Variants in ATP9B observed in about 807,000 individuals in gnomAD.
ATP9B encodes the protein ATPase phospholipid transporting 9B, also known as probable phospholipid-transporting ATPase IIB.
A neutral mutation model predicts 146.1 loss-of-function variants in ATP9B; 110 were observed. The observed-to-expected ratio is 0.75, with a 90% CI of 0.65 to 0.88. The LOEUF is 0.88. ATP9B is among the 40% of genes least tolerant of loss of function. The pLI is 0.00. For synonymous variants in ATP9B, 604 were observed against 569.7 expected, an observed-to-expected ratio of 1.06 and a Z score of -0.86; for missense variants, 1,499 against 1,496.4, an observed-to-expected ratio of 1.00 and a Z score of -0.03.
chr18:79,349,481 G>A (rs1219424069), intron 25 of ATP9B, among the ~76,000 whole-genome samples: 4 of 152,150 alleles, frequency 2.6e-5, no homozygotes, highest in Non-Finnish European at 5.9e-5. Context: ...TCACCGTCAC[G>A]CAGCCACTGA....
At chr18:79,073,006 A>G (rs2072104684) in intron 1 of ATP9B, among the ~76,000 whole-genome samples, 1 of 151,414 alleles carries the variant, frequency 6.6e-6, no homozygotes, top group African/African-American at 2.4e-5. Context: ...ACGGCCAGGA[A>G]GAGGCGCTCC....
intron 13 of ATP9B, among the ~76,000 whole-genome samples, chr18:79,299,668 A>G (rs2096576888): frequency 6.6e-6 from 1 of 152,174 alleles, no homozygotes; most frequent in South Asian, 2.1e-4. Context: ...TATCCATGCA[A>G]CATATGAGAT....
At chr18:79,283,053 A>G (rs1458641909) in intron 13 of ATP9B, among the ~76,000 whole-genome samples, 1 of 152,222 alleles carries the variant, frequency 6.6e-6, no homozygotes, top group Non-Finnish European at 1.5e-5. Flanking sequence ...AAACCAGTGC[A>G]TGTATTTACT....
chr18:79,319,508 T>A (rs1313081304), intron 15 of ATP9B, among the ~76,000 whole-genome samples: 1 of 152,010 alleles, frequency 6.6e-6, no homozygotes, highest in Non-Finnish European at 1.5e-5. Flanking sequence ...GAGGGAACAC[T>A]GAACAGTTCC....
At chr18:79,245,583 C>A (rs1312774326) in intron 11 of ATP9B, among the ~76,000 whole-genome samples, 2 of 150,428 alleles carry the variant, frequency 1.3e-5, no homozygotes, top group Admixed American at 6.6e-5. Context: ...GTGCGGAGGG[C>A]ACCGCCCTAA....
intron 15 of ATP9B, among the ~76,000 whole-genome samples, chr18:79,308,275 C>T (rs1442724801): frequency 2.0e-5 from 3 of 152,070 alleles, no homozygotes; most frequent in African/African-American, 7.2e-5. Flanking sequence ...ACAGTCTAAG[C>T]GTTCCTGAAA....
chr18:79,195,073 CATT>C (rs1389182792), intron 9 of ATP9B, among the ~76,000 whole-genome samples: 1 of 152,098 alleles, frequency 6.6e-6, no homozygotes, highest in African/African-American at 2.4e-5. Context: ...CTTCCTGAAA[CATT>C]ATAATAACCA....
intron 7 of ATP9B, among the ~76,000 whole-genome samples, chr18:79,164,909 G>T (rs1310338960): frequency 6.6e-6 from 1 of 152,138 alleles, no homozygotes; most frequent in Non-Finnish European, 1.5e-5. Context: ...GGTTCAGAGG[G>T]GGAAATGAGG....
At chr18:79,151,000 T>C (rs371871246) in intron 6 of ATP9B, among the ~76,000 whole-genome samples, 2 of 152,190 alleles carry the variant, frequency 1.3e-5, no homozygotes. Flanking sequence ...AAGTATGTTA[T>C]TCAAAAGGCA....
intron 15 of ATP9B, among the ~76,000 whole-genome samples, chr18:79,325,687 G>T (rs2096740310): frequency 6.6e-6 from 1 of 152,096 alleles, no homozygotes; most frequent in Non-Finnish European, 1.5e-5. Context: ...CACCTGGGCA[G>T]CCCTGAAAAG....
At chr18:79,184,589 A>C (rs938817182) in intron 8 of ATP9B, among the ~76,000 whole-genome samples, 2 of 152,080 alleles carry the variant, frequency 1.3e-5, no homozygotes, top group African/African-American at 4.8e-5. Context: ...TATTAAGGTA[A>C]GTTTTATCAT....
chr18:79,184,808 C>G (rs562625103), intron 8 of ATP9B, among the ~76,000 whole-genome samples: 1 of 152,116 alleles, frequency 6.6e-6, no homozygotes, highest in African/African-American at 2.4e-5. Flanking sequence ...GGACAAAAGC[C>G]CCACCCTCTG....
intron 17 of ATP9B, among the ~76,000 whole-genome samples, chr18:79,332,378 A>C (rs372302868): frequency 6.6e-6 from 1 of 152,218 alleles, no homozygotes; most frequent in Non-Finnish European, 1.5e-5. Context: ...GCAGTGAGCC[A>C]AGATCGCGAC....
At chr18:79,096,426 TA>T (rs747364872) in intron 1 of ATP9B, 49 bp from the exon 2 acceptor site, 1 of 1,536,450 alleles carries the variant, frequency 6.5e-7, no homozygotes, top group Non-Finnish European at 8.9e-7. Context: ...AAACACACTG[TA>T]AAGAAGACTG....
chr18:79,220,562 C>G (rs1358838281), intron 11 of ATP9B, among the ~76,000 whole-genome samples: 1 of 152,064 alleles, frequency 6.6e-6, no homozygotes, highest in Non-Finnish European at 1.5e-5. Flanking sequence ...GATTGCACCA[C>G]TGCACTCCAG....
chr18:79,263,370 A>G (rs2096165286), intron 12 of ATP9B, among the ~76,000 whole-genome samples: 1 of 152,158 alleles, frequency 6.6e-6, no homozygotes, highest in Admixed American at 6.6e-5. Flanking sequence ...CCTCCCAGGA[A>G]TACTGTGTTT....
chr18:79,189,192 T>C (rs2095337992), intron 8 of ATP9B, among the ~76,000 whole-genome samples: 1 of 151,830 alleles, frequency 6.6e-6, no homozygotes. Context: ...AATAAAAATA[T>C]AAAAATCATC....
intron 13 of ATP9B, among the ~76,000 whole-genome samples, chr18:79,279,236 G>A (rs959659536): frequency 2.0e-5 from 3 of 152,146 alleles, no homozygotes; most frequent in African/African-American, 4.8e-5. Flanking sequence ...CTTTCCCAAC[G>A]TGGAGAGGCT....
Position 79,239,977 on chromosome 18 carries a change from C to T in ATP9B, c.1108-13404C>T, listed in dbSNP as rs748121481. Reference sequence around the variant, plus strand: ...CACCACGCCTCAGGGGCCCCACACCCGCGGTCTCTTCCTAGAGCTGCAGTC... The same window carrying T: ...CACCACGCCTCAGGGGCCCCACACCTGCGGTCTCTTCCTAGAGCTGCAGTC... On this transcript the variant is annotated intron_variant, in intron 11 of 29. Transcript: ENST00000426216. The surrounding 1 kb of genome is among the most constrained non-coding windows in gnomAD (Gnocchi z 5.1). Among the ~76,000 whole-genome samples the T allele has an allele frequency of 1.4e-4, 22 of 152,164 alleles. No individual in the cohort carries two copies. Among genetic ancestry groups the T allele is most frequent in the Admixed American group, 2.0e-4 (3 of 15,278 alleles).
Sources: gnomAD v4.1 joint callset for allele counts (sites outside exome capture counted in the v4.1 genomes callset) on GRCh38, gnomAD v4.1.1 for gene constraint, Gnocchi (gnomAD v3.1) non-coding constraint, MANE v1.5 for transcripts, NCBI Gene and HGNC (gene_info 2026-07-23, HGNC 2026-07-21) for gene names.